GARRE1: variants seen among roughly 807,000 people sequenced by gnomAD.
GARRE1 encodes the protein granule associated Rac and RHOG effector 1.
GARRE1 carries 49 observed loss-of-function variants against 103.2 expected under a neutral mutation model. That is an observed-to-expected ratio of 0.47 (90% CI 0.38 to 0.60). The LOEUF (loss-of-function observed/expected upper bound fraction) is 0.60. GARRE1 is among the 20% of genes least tolerant of loss of function. GARRE1 has a pLI of 0.00. For synonymous variants in GARRE1, 505 were observed against 532.8 expected (o/e 0.95, Z 0.72); for missense variants, 1,199 against 1,370.5 (o/e 0.87, Z 1.98).
chr19:34,293,760 T>C lies in GARRE1; in HGVS notation c.-795-5919T>C, dbSNP rs1225798226. Among the ~76,000 whole-genome samples, 10 of 96,744 alleles carry C rather than the reference T, an allele frequency of 1.0e-4. No homozygotes were observed. In the South Asian group the frequency reaches 3.3e-3, roughly 32 times the overall value. 63.5% of individuals were successfully genotyped at this position (96,744 alleles called of 152,430 possible). ...CACACACACATATTTCTTTTTTTTT[T>C]TTTTTTTTTTTTTTTTGAGACGGAG... On this transcript the variant is annotated intron_variant, in intron 1 of 13. Coordinates refer to ENST00000299505, the MANE Select transcript of GARRE1 (RefSeq NM_014686.5).
intron 1 of GARRE1, among the ~76,000 whole-genome samples, chr19:34,293,155 T>C (rs1568532256): frequency 6.6e-6 from 1 of 152,218 alleles, no homozygotes; most frequent in Admixed American, 6.5e-5. Context: ...TTTACATGCA[T>C]ATTAGCTTAA....
At chr19:34,296,109 AT>A (rs1037467214) in intron 1 of GARRE1, among the ~76,000 whole-genome samples, 10 of 147,276 alleles carry the variant, frequency 6.8e-5, no homozygotes, top group African/African-American at 2.5e-4. Context: ...CTTTTACAAC[AT>A]TTTTTCTTTC....
intron 1 of GARRE1, among the ~76,000 whole-genome samples, chr19:34,278,258 A>C (rs944767074): frequency 6.6e-6 from 1 of 151,914 alleles, no homozygotes; most frequent in African/African-American, 2.4e-5. Context: ...AGCCTGGCCA[A>C]CATGGTGAAA....
rs753866825 is a variant in GARRE1 at position 34,349,140 on chromosome 19, G to A, written c.2812G>A (p.Val938Ile). Residue 938 changes from valine (V) to isoleucine (I), a missense_variant, in exon 12 of 14, where the codon GTC becomes ATC. By Grantham distance (29) the Val-to-Ile change is conservative. Coordinates refer to ENST00000299505, the MANE Select transcript of GARRE1 (RefSeq NM_014686.5). The part of the protein sequence containing the change: ...MFSGPDLVAA[V>I]KQRRKHSSGE... Reference sequence around the variant, plus strand: ...TTCAGGGCCTGACCTCGTTGCTGCTGTCAAGCAGAGAAGGTATGAAGGGAT... The same window carrying A: ...TTCAGGGCCTGACCTCGTTGCTGCTATCAAGCAGAGAAGGTATGAAGGGAT... 1.9e-6 allele frequency: 3 copies of A among 1,612,424 alleles called. No individual in the cohort carries two copies. Among genetic ancestry groups the A allele is most frequent in the East Asian group, 4.5e-5 (2 of 44,854 alleles).
intron 2 of GARRE1, among the ~76,000 whole-genome samples, chr19:34,308,905 G>C (rs1448045122): frequency 6.6e-6 from 1 of 152,118 alleles, no homozygotes; most frequent in Non-Finnish European, 1.5e-5. Context: ...GAAACCATTT[G>C]TTGGAAGGTT....
At chr19:34,323,836 C>CT (rs1259574104) in intron 3 of GARRE1, among the ~76,000 whole-genome samples, 1 of 152,146 alleles carries the variant, frequency 6.6e-6, no homozygotes, top group East Asian at 1.9e-4. Flanking sequence ...TCACCTTGAC[C>CT]TTTTTTGCCA....
chr19:34,303,639 G>C (rs772695707), intron 2 of GARRE1, among the ~76,000 whole-genome samples: 1 of 152,128 alleles, frequency 6.6e-6, no homozygotes, highest in Non-Finnish European at 1.5e-5. Flanking sequence ...GTTTTGAGAC[G>C]AAGTTTCATC....
At chr19:34,330,088 G>C in intron 6 of GARRE1, 101 bp from the exon 7 acceptor site, 1 of 1,026,432 alleles carries the variant, frequency 9.7e-7, no homozygotes. Context: ...TAAATAAAAT[G>C]CTCTTCTCTT....
chr19:34,285,823 A>G (rs929775883), intron 1 of GARRE1, among the ~76,000 whole-genome samples: 3 of 152,300 alleles, frequency 2.0e-5, no homozygotes, highest in African/African-American at 7.2e-5. Context: ...AAAAAATTCA[A>G]CACTATCTAG....
intron 2 of GARRE1, among the ~76,000 whole-genome samples, chr19:34,309,674 C>T (rs545479275): frequency 1.1e-4 from 16 of 152,030 alleles, no homozygotes; most frequent in Non-Finnish European, 2.2e-4. Context: ...TACATGGGGG[C>T]TTGTTATGTT....
intron 1 of GARRE1, among the ~76,000 whole-genome samples, chr19:34,293,507 C>T (rs2073929176): frequency 6.7e-6 from 1 of 150,272 alleles, no homozygotes; most frequent in Admixed American, 6.7e-5. Context: ...GTGATCCTCC[C>T]ACCTTAGCCT....
At chr19:34,346,333 G>A (rs985611989) in intron 10 of GARRE1, among the ~76,000 whole-genome samples, 5 of 151,880 alleles carry the variant, frequency 3.3e-5, no homozygotes. Flanking sequence ...GTATATCCCC[G>A]TTCAGCATTG....
At chr19:34,318,361 A>G (rs1306013885) in intron 2 of GARRE1, among the ~76,000 whole-genome samples, 2 of 152,218 alleles carry the variant, frequency 1.3e-5, no homozygotes, top group Non-Finnish European at 2.9e-5. Context: ...GGGACAGGAC[A>G]GTGCATGGGC....
intron 1 of GARRE1, among the ~76,000 whole-genome samples, chr19:34,255,022 G>A (rs1304580660): frequency 6.6e-6 from 1 of 151,828 alleles, no homozygotes; most frequent in Non-Finnish European, 1.5e-5. Context: ...GAGGGAGGGC[G>A]GCCTGCTGGC....
chr19:34,351,421 TG>T, intron 12 of GARRE1, 92 bp from the exon 13 acceptor site: 1 of 971,380 alleles, frequency 1.0e-6, no homozygotes, highest in Non-Finnish European at 1.7e-6. Flanking sequence ...AACCAGGGCC[TG>T]GAGATGCTGG....
rs1454022100 is a variant in GARRE1 at position 34,334,690 on chromosome 19, CTA to C, written c.1361+891_1361+892del. On this transcript the variant is annotated intron_variant, in intron 8 of 13. Coordinates refer to ENST00000299505, the MANE Select transcript of GARRE1 (RefSeq NM_014686.5). ...CTCCAGCCTGGGCAATAGAGCAAAA[CTA>C]TCTCAAAAAAAAAAAAAAAGAAAAA... Among the ~76,000 whole-genome samples the C allele has an allele frequency of 2.4e-5, 3 of 126,094 alleles. No individual in the cohort carries two copies. In the East Asian group the frequency reaches 6.3e-4, roughly 26 times the overall value. The allele number at this position is 126,094 out of a possible 152,430, so 82.7% of individuals were successfully genotyped here.
At chr19:34,272,754 A>G (rs571171800) in intron 1 of GARRE1, among the ~76,000 whole-genome samples, 2 of 152,290 alleles carry the variant, frequency 1.3e-5, no homozygotes, top group African/African-American at 2.4e-5. Flanking sequence ...GGGATGGTGC[A>G]AGAATGGAGA....
intron 1 of GARRE1, among the ~76,000 whole-genome samples, chr19:34,260,720 G>A (rs575816136): frequency 1.3e-4 from 20 of 152,300 alleles, no homozygotes; most frequent in African/African-American, 4.6e-4. Context: ...ATACACATTA[G>A]CTATCTATAG....
At chr19:34,304,867 C>G (rs1455178472) in intron 2 of GARRE1, among the ~76,000 whole-genome samples, 2 of 151,948 alleles carry the variant, frequency 1.3e-5, no homozygotes, top group East Asian at 1.9e-4. Flanking sequence ...TCTCGGCTCA[C>G]TGCAAGCTCT....
Sources: gnomAD v4.1 joint callset for allele counts (sites outside exome capture counted in the v4.1 genomes callset) on GRCh38, gnomAD v4.1.1 for gene constraint, MANE v1.5 for transcripts, NCBI Gene and HGNC (gene_info 2026-07-23, HGNC 2026-07-21) for gene names.